The following GAPVD1 variants were observed in gnomAD, a reference collection of about 807,000 sequenced individuals.
GAPVD1 encodes GTPase-activating protein and VPS9 domain-containing protein 1.
In GAPVD1, 35 loss-of-function variants were observed where a neutral mutation model predicts 155.5. That is an observed-to-expected ratio of 0.23 (90% CI 0.17 to 0.30). GAPVD1 has a LOEUF of 0.30. GAPVD1 is among the 10% of genes least tolerant of loss of function. The pLI, the probability that GAPVD1 is intolerant of heterozygous loss-of-function variation, is 1.00. For missense variants in GAPVD1, 1,429 were observed against 1,775.7 expected, an observed-to-expected ratio of 0.80 and a Z score of 3.51; for synonymous variants, 636 against 619.7, an observed-to-expected ratio of 1.03 and a Z score of -0.39.
intron 9 of GAPVD1, among the ~76,000 whole-genome samples, chr9:125,315,886 CA>C (rs1220928667): frequency 6.6e-6 from 1 of 152,106 alleles, no homozygotes; most frequent in Non-Finnish European, 1.5e-5. Flanking sequence ...GGGTAACCTT[CA>C]GGCTGAACCC....
At chr9:125,356,310 T>A (rs889771526) in intron 25 of GAPVD1, among the ~76,000 whole-genome samples, 4 of 152,170 alleles carry the variant, frequency 2.6e-5, no homozygotes, top group Admixed American at 2.6e-4. Context: ...CCAGCCCTAC[T>A]AACATTTGGG....
At position 125,293,455 on chromosome 9, in the gene GAPVD1, C is replaced by CT. The variant is rs796829443; in HGVS notation, c.-149-1990dup. Among the ~76,000 whole-genome samples the CT allele has an allele frequency of 3.5e-3, 478 of 134,742 alleles. 2 individuals carry two copies. Among genetic ancestry groups the CT allele is most frequent in the African/African-American group, 9.5e-3 (348 of 36,662 alleles). The allele number at this position is 134,742 out of a possible 152,430, so 88.4% of individuals were successfully genotyped here. On this transcript the variant is annotated intron_variant, in intron 2 of 27. Coordinates refer to ENST00000297933, the MANE Select transcript of GAPVD1 (RefSeq NM_001282680.3). ...TTGCTGAATTAAAGTAGAGAAATGG[C>CT]TTTTTTTTTTTTTGAGATAGAGTTT...
intron 2 of GAPVD1, among the ~76,000 whole-genome samples, chr9:125,279,845 A>G (rs142189408): frequency 3.3e-4 from 49 of 149,772 alleles, no homozygotes; most frequent in African/African-American, 1.0e-3. Flanking sequence ...CCTGCAACCT[A>G]TGCTTCCTGA....
At chr9:125,294,930 G>T (rs187703427) in intron 2 of GAPVD1, among the ~76,000 whole-genome samples, 42 of 151,980 alleles carry the variant, frequency 2.8e-4, no homozygotes, top group Admixed American at 1.8e-3. Flanking sequence ...AACAGAACTA[G>T]AAATTAAAGT....
intron 1 of GAPVD1, among the ~76,000 whole-genome samples, chr9:125,262,442 C>T (rs1833083842): frequency 6.6e-6 from 1 of 152,194 alleles, no homozygotes; most frequent in Admixed American, 6.5e-5. Flanking sequence ...GGCATCTTTC[C>T]ACTTGCTGTC....
At chr9:125,353,494 G>A (rs766184987) in intron 23 of GAPVD1, among the ~76,000 whole-genome samples, 2 of 151,974 alleles carry the variant, frequency 1.3e-5, no homozygotes, top group South Asian at 2.1e-4. Flanking sequence ...TCACATTTTC[G>A]GGTGTCTTTT....
At chr9:125,305,843 G>A (rs1841709659) in intron 6 of GAPVD1, among the ~76,000 whole-genome samples, 1 of 151,966 alleles carries the variant, frequency 6.6e-6, no homozygotes, top group Non-Finnish European at 1.5e-5. Flanking sequence ...TTATAGAGAC[G>A]AGGTCTTGTT....
chr9:125,293,856 A>ATATATATAAATATAT (rs1564310971), intron 2 of GAPVD1, among the ~76,000 whole-genome samples: 1 of 6,190 alleles, frequency 1.6e-4, no homozygotes, highest in South Asian at 6.1e-3. Flanking sequence ...TATATTTTAT[A>ATATATATAAATATAT]TATATATATA....
chr9:125,346,467 T>TA (rs1283327271), intron 19 of GAPVD1: 1 of 299,490 alleles, frequency 3.3e-6, no homozygotes, highest in African/African-American at 2.2e-5. Flanking sequence ...AGTCTGCATG[T>TA]AAAAATGCAC....
chr9:125,326,007 T>A (rs1413281575), intron 11 of GAPVD1, among the ~76,000 whole-genome samples: 1 of 152,242 alleles, frequency 6.6e-6, no homozygotes, highest in Non-Finnish European at 1.5e-5. Context: ...ATACACTACC[T>A]GCCTATTAGT....
chr9:125,326,245 C>T (rs1393360109), intron 11 of GAPVD1, among the ~76,000 whole-genome samples, 171 bp from the exon 12 acceptor site: 2 of 152,196 alleles, frequency 1.3e-5, no homozygotes, highest in African/African-American at 2.4e-5. Context: ...AGGCCAGGCA[C>T]AGTGGCTCAC....
chr9:125,262,134 C>G (rs1157782318), intron 1 of GAPVD1, among the ~76,000 whole-genome samples, 175 bp downstream of exon 1: 2 of 151,978 alleles, frequency 1.3e-5, no homozygotes, highest in African/African-American at 4.8e-5. Flanking sequence ...TCGGGGGACA[C>G]TGGGTTAGAC....
intron 2 of GAPVD1, among the ~76,000 whole-genome samples, chr9:125,293,818 G>A (rs13291601): frequency 1.4e-3 from 125 of 91,162 alleles, no homozygotes; most frequent in African/African-American, 2.9e-3. Context: ...ATTTATATAT[G>A]AAATATAAAA....
intron 2 of GAPVD1, among the ~76,000 whole-genome samples, chr9:125,293,824 T>TA (rs1158357367): frequency 1.7e-5 from 2 of 118,428 alleles, no homozygotes; most frequent in East Asian, 2.7e-4. Context: ...ATATGAAATA[T>TA]AAAAAAATAT....
intron 15 of GAPVD1, among the ~76,000 whole-genome samples, chr9:125,334,191 G>T (rs1846519648): frequency 6.6e-6 from 1 of 151,462 alleles, no homozygotes; most frequent in Non-Finnish European, 1.5e-5. Flanking sequence ...TGTACTTACG[G>T]TGCATAGGCA....
rs188653396 is a variant in GAPVD1 at position 125,276,623 on chromosome 9, A to T, written c.-150+7639A>T. 2.1e-3 allele frequency among the ~76,000 whole-genome samples: 313 copies of T among 152,260 alleles called. 2 individuals are homozygous for T. The highest frequency in any genetic ancestry group is 7.3e-3 in the African/African-American group (304 of 41,580). Reference sequence around the variant, plus strand: ...AGGATTGCTTGAGCCTGGGAGGCGGAGGTTGCAGTGAGCCGAGAGTGCACC... The same window carrying T: ...AGGATTGCTTGAGCCTGGGAGGCGGTGGTTGCAGTGAGCCGAGAGTGCACC... On this transcript the variant is annotated intron_variant, in intron 2 of 27. Transcript: ENST00000297933.
At position 125,268,972 on chromosome 9, in the gene GAPVD1, A is replaced by G. The variant is rs987727731; in HGVS notation, c.-162A>G. The G allele has an allele frequency of 1.3e-5, 2 of 151,706 alleles. No individual in the cohort carries two copies. Among genetic ancestry groups the G allele is most frequent in the African/African-American group, 4.8e-5 (2 of 41,310 alleles). The allele number at this position is 151,706 out of a possible 1,614,324, so 9.4% of individuals were successfully genotyped here. ...CTGGAGAGAGTTGGTTATACATTCT[A>G]GGAATCTCAAAGGTAAAGTATGATT... On this transcript the variant is annotated 5_prime_UTR_variant, in exon 2 of 28. Transcript: ENST00000297933.
chr9:125,354,315 A>T (rs550421381), intron 23 of GAPVD1, among the ~76,000 whole-genome samples: 1 of 152,218 alleles, frequency 6.6e-6, no homozygotes, highest in Non-Finnish European at 1.5e-5. Context: ...TTTCCTATTA[A>T]GTATGAGGTC....
At chr9:125,293,876 A>T (rs534046357) in intron 2 of GAPVD1, among the ~76,000 whole-genome samples, 585 of 18,178 alleles carry the variant, frequency 0.032, 50 homozygotes, top group African/African-American at 0.15. Flanking sequence ...ATATATATAT[A>T]TATATATATA....
Sources: allele counts gnomAD v4.1 joint callset (sites outside exome capture counted in the v4.1 genomes callset), GRCh38; gene constraint gnomAD v4.1.1; transcripts MANE v1.5; gene names NCBI Gene and HGNC (gene_info 2026-07-23, HGNC 2026-07-21).